The following PPP2R1B variants were observed in gnomAD, a reference collection of about 807,000 sequenced individuals.
PPP2R1B encodes protein phosphatase 2 scaffold subunit Abeta, also known as serine/threonine-protein phosphatase 2A 65 kDa regulatory subunit A beta isoform.
PPP2R1B carries 58 observed loss-of-function variants against 72.7 expected under a neutral mutation model. The ratio of observed to expected loss-of-function variants is 0.80; its 90% confidence interval spans 0.65 to 0.99. PPP2R1B has a LOEUF of 0.99. Ranked by LOEUF, PPP2R1B falls within the 50% of genes least tolerant of loss-of-function variation. The pLI is 0.00. For missense variants in PPP2R1B, 695 were observed against 733.6 expected, an observed-to-expected ratio of 0.95 and a Z score of 0.61; for synonymous variants, 256 against 264.6, an observed-to-expected ratio of 0.97 and a Z score of 0.32.
At chr11:111,732,132 G>A (rs1446093710) in intron 15 of PPP2R1B, among the ~76,000 whole-genome samples, 1 of 152,222 alleles carries the variant, frequency 6.6e-6, no homozygotes, top group African/African-American at 2.4e-5. Flanking sequence ...CACTTCCCAA[G>A]TTCTCCATCA....
At chr11:111,709,151 T>C in the PPP2R1B span, among the ~76,000 whole-genome samples, 10 of 152,230 alleles carry the variant, frequency 6.6e-5, no homozygotes, top group Non-Finnish European at 1.2e-4. Context: ...TGAGGGTTGC[T>C]ACCTGGTGAG....
chr11:111,690,645 T>C, the PPP2R1B span, among the ~76,000 whole-genome samples: 9 of 148,810 alleles, frequency 6.0e-5, no homozygotes, highest in South Asian at 1.9e-3. Context: ...CCATGTGTGA[T>C]GTTCCCCTCC....
intron 10 of PPP2R1B, 110 bp downstream of exon 10, chr11:111,752,049 T>C: frequency 8.4e-7 from 1 of 1,190,628 alleles, no homozygotes; most frequent in Non-Finnish European, 1.2e-6. Context: ...GGCCATACTT[T>C]CATGCATCTA....
At chr11:111,726,316 G>T (rs1943964624), downstream of PPP2R1B, 1 of 152,274 alleles carries the variant, frequency 6.6e-6, no homozygotes, top group African/African-American at 2.4e-5. Flanking sequence ...AGGAGACCTG[G>T]GAGCTATGGC....
rs376599763 is a variant in PPP2R1B, at chr11:111,743,493, C to T, written c.1437G>A (p.Met479Ile). ...CTGTACCAAACTTCTGAACTAGTTT[C>T]ATGAGGTTGTTGGTGGCAGCTTCTC... ...AIREAATNNLMKLVQKFGTEW... is the reference protein window; with the variant it reads ...AIREAATNNLIKLVQKFGTEW... Residue 479 changes from methionine (M) to isoleucine (I), a missense_variant, in exon 12 of 15, where the codon ATG (methionine) becomes ATA (isoleucine). Met to Ile is a conservative substitution (Grantham distance 10). Transcript: ENST00000527614. The T allele has an allele frequency of 7.4e-6, 12 of 1,614,008 alleles. No homozygotes were observed. The highest frequency in any genetic ancestry group is 9.3e-6 in the Non-Finnish European group (11 of 1,179,980).
the PPP2R1B span, chr11:111,688,017 T>G: frequency 6.2e-7 from 1 of 1,614,180 alleles, no homozygotes; most frequent in Non-Finnish European, 8.5e-7. The surrounding 1 kb of genome is among the most constrained non-coding windows in gnomAD (Gnocchi z 4.2). Context: ...TTGCTAATCA[T>G]GGCCGGTTAA....
downstream of PPP2R1B, among the ~76,000 whole-genome samples, chr11:111,734,541 G>A (rs757637887): frequency 1.3e-5 from 2 of 152,246 alleles, no homozygotes; most frequent in Non-Finnish European, 2.9e-5. Flanking sequence ...ACTGACAGGA[G>A]GTCAGCCTAA....
At position 111,752,313 on chromosome 11, in the gene PPP2R1B, T is replaced by C. The variant is rs782354504; in HGVS notation, c.1184A>G (p.Asn395Ser). ...LKDECPDVRL[N>S]IISNLDCVNE... is the part of the protein sequence containing the mutation. ...TACACAATCCAAATTGGAGATGATATTCAAACGAACGTCAGGACACTGCAA... is the reference window on the plus strand; with the variant it reads ...TACACAATCCAAATTGGAGATGATACTCAAACGAACGTCAGGACACTGCAA... The change falls in exon 10 of 15, where the codon AAT becomes AGT. Residue 395 changes from asparagine (N) to serine (S), a missense_variant. Coordinates refer to ENST00000527614, the MANE Select transcript of PPP2R1B (RefSeq NM_002716.5). 1.7e-5 allele frequency: 28 copies of C among 1,612,418 alleles called. No homozygotes were observed. The highest frequency in any genetic ancestry group is 2.0e-5 in the Non-Finnish European group (24 of 1,179,316).
chr11:111,762,850 G>A (rs1213606417), intron 3 of PPP2R1B, among the ~76,000 whole-genome samples: 3 of 152,116 alleles, frequency 2.0e-5, no homozygotes, highest in Non-Finnish European at 4.4e-5. Flanking sequence ...CACTCCGGCA[G>A]TTTTGAACCC....
intron 1 of PPP2R1B, 121 bp downstream of exon 1, chr11:111,766,127 T>A (rs1945527920): frequency 1.1e-6 from 1 of 914,724 alleles, no homozygotes; most frequent in Non-Finnish European, 1.7e-6. Context: ...CCCCTTCAAG[T>A]TTCTGCTACG....
the PPP2R1B span, chr11:111,704,872 T>G: frequency 5.5e-6 from 7 of 1,262,410 alleles, no homozygotes; most frequent in Non-Finnish European, 7.5e-6. Flanking sequence ...GACACTTTGT[T>G]TTTCACCCTA....
chr11:111,726,383 CCCAGAGAGAAA>C (rs1261628518), downstream of PPP2R1B: 1 of 152,910 alleles, frequency 6.5e-6, no homozygotes, highest in Non-Finnish European at 1.5e-5. Flanking sequence ...AGGTTAAGGA[CCCAGAGAGAAA>C]TCGAGAGGTG....
At chr11:111,692,954 A>G in the PPP2R1B span, among the ~76,000 whole-genome samples, 1 of 152,210 alleles carries the variant, frequency 6.6e-6, no homozygotes, top group East Asian at 1.9e-4. Flanking sequence ...AAAATGGAAT[A>G]GAAGTATCAA....
chr11:111,740,867 A>T lies in PPP2R1B; in HGVS notation c.*729T>A. ...AGGCACTACAGTTAAAGCTTTTTAGAAAAGAGAGAGAAGTATTTTTAAATG... is the reference window on the plus strand; with the variant it reads ...AGGCACTACAGTTAAAGCTTTTTAGTAAAGAGAGAGAAGTATTTTTAAATG... On this transcript the variant is annotated 3_prime_UTR_variant, in exon 15 of 15. Coordinates refer to ENST00000527614, the MANE Select transcript of PPP2R1B (RefSeq NM_002716.5). The T allele has an allele frequency of 1.0e-6, 1 of 985,472 alleles. No individual in the cohort carries two copies. The highest frequency in any genetic ancestry group is 1.2e-6 in the Non-Finnish European group (1 of 829,948). 61.0% of individuals were successfully genotyped at this position (985,472 alleles called of 1,614,324 possible). A position where few individuals can be genotyped will look rare whatever the true frequency, so the allele number is the denominator to read the frequency against.
chr11:111,742,185 G>T, intron 13 of PPP2R1B, 41 bp from the exon 14 acceptor site: 1 of 1,483,704 alleles, frequency 6.7e-7, no homozygotes, highest in Non-Finnish European at 9.4e-7. Flanking sequence ...CAGTCTAATG[G>T]GCCATAGAAA....
At chr11:111,745,373 G>A (rs1019693491) in intron 11 of PPP2R1B, among the ~76,000 whole-genome samples, 10 of 151,870 alleles carry the variant, frequency 6.6e-5, no homozygotes, top group East Asian at 1.9e-4. Context: ...TTTTTAACAC[G>A]CTTTAGATTT....
the PPP2R1B span, among the ~76,000 whole-genome samples, chr11:111,691,372 A>G: frequency 2.3e-3 from 355 of 152,248 alleles, 4 homozygotes; most frequent in African/African-American, 8.4e-3. Context: ...TACTTACTTC[A>G]TCTTCACAGC....
chr11:111,762,750 C>T (rs1945374596), intron 3 of PPP2R1B, among the ~76,000 whole-genome samples: 1 of 151,980 alleles, frequency 6.6e-6, no homozygotes, highest in African/African-American at 2.4e-5. Flanking sequence ...GTTGCCCAGG[C>T]TGATCTTGAA....
chr11:111,715,690 G>A, the PPP2R1B span, among the ~76,000 whole-genome samples: 1 of 152,040 alleles, frequency 6.6e-6, no homozygotes, highest in Non-Finnish European at 1.5e-5. Context: ...CCATATGGGA[G>A]GGCAGATGCA....
Sources: allele counts gnomAD v4.1 joint callset (sites outside exome capture counted in the v4.1 genomes callset), GRCh38; gene constraint gnomAD v4.1.1; non-coding constraint Gnocchi (gnomAD v3.1); transcripts MANE v1.5; gene names NCBI Gene and HGNC (gene_info 2026-07-23, HGNC 2026-07-21).